The following TDRD9 variants were observed in gnomAD, a reference collection of about 807,000 sequenced individuals.
TDRD9 encodes tudor domain containing 9, also known as ATP-dependent RNA helicase TDRD9.
Under a neutral mutation model 172.6 loss-of-function variants are expected in TDRD9, and 124 were observed. The ratio of observed to expected loss-of-function variants is 0.72; its 90% CI spans 0.62 to 0.83. The LOEUF is 0.83. TDRD9 is among the 40% of genes least tolerant of loss of function. The pLI is 0.00. For synonymous variants in TDRD9, 619 were observed against 617.1 expected, an observed-to-expected ratio of 1.00 and a Z score of -0.05; for missense variants, 1,479 against 1,714.1, an observed-to-expected ratio of 0.86 and a Z score of 2.42.
intron 2 of TDRD9, among the ~76,000 whole-genome samples, chr14:103,956,131 T>C (rs2032219973): frequency 1.1e-5 from 1 of 93,472 alleles, no homozygotes; most frequent in Non-Finnish European, 1.9e-5. Context: ...TATATATATA[T>C]ATATATATAT....
intron 20 of TDRD9, among the ~76,000 whole-genome samples, chr14:104,008,863 G>A (rs78068652): frequency 1.3e-5 from 2 of 152,182 alleles, no homozygotes; most frequent in African/African-American, 2.4e-5. Flanking sequence ...TCAGTGAGCC[G>A]TGATCGCACC....
Position 104,025,711 on chromosome 14 carries a change from G to A in TDRD9, c.2866G>A (p.Ala956Thr). Reference protein sequence around the residue: ...HPDLVCLAPFADFDKQRYFRA... With the variant: ...HPDLVCLAPFTDFDKQRYFRA... ...AGACTTGGTCTGTCTGGCACCTTTT[G>A]CTGATTTTGATAAACAACGCTACTT... is the stretch of plus-strand genomic sequence containing the variant. Residue 956 changes from alanine to threonine, a missense_variant, in exon 26 of 36, where the codon GCT becomes ACT. Ala to Thr is a moderately conservative substitution (Grantham distance 58, BLOSUM62 0). Transcript: ENST00000409874. The A allele has an allele frequency of 6.2e-7, 1 of 1,613,944 alleles. No individual in the cohort carries two copies. The highest frequency in any genetic ancestry group is 1.1e-5 in the South Asian group (1 of 91,086).
At chr14:103,987,119 T>A (rs942805578) in intron 8 of TDRD9, among the ~76,000 whole-genome samples, 2 of 128,220 alleles carry the variant, frequency 1.6e-5, no homozygotes, top group East Asian at 2.3e-4. Flanking sequence ...TCTCAAAAAA[T>A]ATATACACAC....
intron 7 of TDRD9, among the ~76,000 whole-genome samples, chr14:103,985,691 C>T (rs1217058522): frequency 2.6e-5 from 4 of 152,108 alleles, no homozygotes; most frequent in South Asian, 2.1e-4. Flanking sequence ...CCTTGGTAGA[C>T]GGATACCTCA....
At position 104,026,660 on chromosome 14, in the gene TDRD9, T is replaced by C. The variant is rs568684930; in HGVS notation, c.3022-19T>C. 6 of 1,612,334 alleles carry C rather than the reference T, an allele frequency of 3.7e-6. No homozygotes were observed. The South Asian group carries it at 6.6e-5, about 18-fold the overall frequency. ...CTTATTTATAAAGCTGTTTGAGCTG[T>C]GCCCTTCTGTCCTTGTAGGCTTTGG... is the stretch of plus-strand genomic sequence containing the variant. On this transcript the variant is annotated intron_variant, in intron 27 of 35. Coordinates refer to ENST00000409874, the MANE Select transcript of TDRD9 (RefSeq NM_153046.3).
At chr14:103,941,536 C>G (rs2152119987) in intron 1 of TDRD9, 5 of 1,535,270 alleles carry the variant, frequency 3.3e-6, no homozygotes, top group African/African-American at 2.7e-5. Flanking sequence ...GTTTTTTTCA[C>G]TTTTTGTTCA....
intron 5 of TDRD9, among the ~76,000 whole-genome samples, chr14:103,969,688 C>T (rs554527283): frequency 3.3e-5 from 5 of 152,162 alleles, no homozygotes; most frequent in Non-Finnish European, 5.9e-5. Flanking sequence ...CTCTCCACTT[C>T]GGCTGAGAAA....
intron 2 of TDRD9, among the ~76,000 whole-genome samples, chr14:103,956,809 T>C (rs1028831012): frequency 1.3e-5 from 2 of 152,274 alleles, no homozygotes; most frequent in East Asian, 1.9e-4. Context: ...TCTGTGAGTA[T>C]GGAGTTTTTT....
At chr14:104,042,313 T>C in intron 34 of TDRD9, 126 bp downstream of exon 34, 3 of 670,478 alleles carry the variant, frequency 4.5e-6, no homozygotes, top group Non-Finnish European at 7.9e-6. Flanking sequence ...GTGCCAGTGC[T>C]GGAGGCAGCA....
At chr14:104,012,316 G>T (rs527527413) in intron 20 of TDRD9, among the ~76,000 whole-genome samples, 1 of 152,366 alleles carries the variant, frequency 6.6e-6, no homozygotes, top group East Asian at 1.9e-4. Context: ...CAGGAGCTGG[G>T]CCAGGGCCAA....
At chr14:103,972,040 C>G (rs1039858443) in intron 6 of TDRD9, among the ~76,000 whole-genome samples, 5 of 152,028 alleles carry the variant, frequency 3.3e-5, no homozygotes, top group Non-Finnish European at 7.4e-5. Flanking sequence ...GTCTGTGGTC[C>G]CAGCTACTTG....
intron 34 of TDRD9, among the ~76,000 whole-genome samples, chr14:104,043,648 T>G (rs1199430964): frequency 6.6e-6 from 1 of 152,140 alleles, no homozygotes. Flanking sequence ...CGGGTGTGGT[T>G]GTAGCCACCA....
intron 30 of TDRD9, among the ~76,000 whole-genome samples, chr14:104,033,487 A>G (rs1362231270): frequency 6.6e-6 from 1 of 152,224 alleles, no homozygotes; most frequent in East Asian, 1.9e-4. Context: ...ATGGAGCTGC[A>G]TTAGAGTCAG....
At position 104,032,004 on chromosome 14, in the gene TDRD9, T is replaced by G; in HGVS notation, c.3439-13T>G. On this transcript the variant is annotated splice_polypyrimidine_tract_variant and intron_variant, in intron 29 of 35. Coordinates refer to ENST00000409874, the MANE Select transcript of TDRD9 (RefSeq NM_153046.3). ...TGCTTATTGGTAACACTTCCTATAT[T>G]TTGTGCACGCAGGCAGAACTTCACG... The G allele has an allele frequency of 6.5e-7, 1 of 1,539,010 alleles. No individual in the cohort carries two copies. The highest frequency in any genetic ancestry group is 8.8e-7 in the Non-Finnish European group (1 of 1,141,358).
At chr14:103,938,077 G>A (rs912525202) in intron 1 of TDRD9, among the ~76,000 whole-genome samples, 7 of 152,114 alleles carry the variant, frequency 4.6e-5, no homozygotes, top group Middle Eastern at 3.4e-3. Flanking sequence ...TTGCTCATCT[G>A]TCATATGGGG....
intron 24 of TDRD9, 53 bp downstream of exon 24, chr14:104,022,383 G>T: frequency 6.4e-7 from 1 of 1,562,252 alleles, no homozygotes; most frequent in Middle Eastern, 1.7e-4. Context: ...CACATTCTCA[G>T]GTGCTATTTT....
At chr14:103,968,871 T>C (rs1460555669) in intron 5 of TDRD9, among the ~76,000 whole-genome samples, 2 of 141,432 alleles carry the variant, frequency 1.4e-5, no homozygotes, top group Non-Finnish European at 3.1e-5. Context: ...GAGGCCGAGG[T>C]GGGCGGATCA....
chr14:104,006,973 T>G (rs2034461260), intron 18 of TDRD9, 128 bp downstream of exon 18: 2 of 985,382 alleles, frequency 2.0e-6, no homozygotes, highest in Admixed American at 4.5e-5. Context: ...GGGTTATTGG[T>G]GTCCAGTGTT....
In TDRD9 at chr14:104,026,896, A is replaced by G. The variant is rs775697571; in HGVS notation, c.3239A>G (p.Gln1080Arg). Residue 1080 changes from glutamine to arginine, a missense_variant, in exon 28 of 36, where the codon CAG (glutamine) becomes CGG (arginine). Around this residue, in one of 3 missense-constraint regions of TDRD9, gnomAD observed 1,413 missense variants for 1,649.1 expected, o/e 0.86. Coordinates refer to ENST00000409874, the MANE Select transcript of TDRD9 (RefSeq NM_153046.3). ...DAINIRDVLI[Q>R]QGYAELTEES... ...ATCAACATAAGAGACGTCCTCATCC[A>G]GCAGGGCTATGCCGAGCTCACGGAG... 11 of 1,613,916 alleles carry G rather than the reference A, an allele frequency of 6.8e-6. No homozygotes were observed. In the African/African-American group the frequency reaches 1.3e-4, roughly 20 times the overall value.
Sources: allele counts gnomAD v4.1 joint callset (sites outside exome capture counted in the v4.1 genomes callset), GRCh38; gene constraint gnomAD v4.1.1; regional missense constraint gnomAD v4.1.1; transcripts MANE v1.5; gene names NCBI Gene and HGNC (gene_info 2026-07-23, HGNC 2026-07-21).